AMZ2: variants seen among roughly 807,000 people sequenced by gnomAD.
AMZ2 encodes archaemetzincin-2.
AMZ2 carries 26 observed loss-of-function variants against 36.7 expected under a neutral mutation model. The ratio of observed to expected loss-of-function variants is 0.71; its 90% confidence interval spans 0.52 to 0.98. The LOEUF is 0.98. Ranked by LOEUF, AMZ2 falls within the 50% of genes least tolerant of loss-of-function variation. AMZ2 has a pLI of 0.00. For missense variants in AMZ2, 394 were observed against 430.5 expected (o/e 0.92, Z 0.75); for synonymous variants, 144 against 149.1 (o/e 0.97, Z 0.25).
At chr17:68,233,553 C>A (rs1555731817) in intron 1 of AMZ2, among the ~76,000 whole-genome samples, 2 of 151,380 alleles carry the variant, frequency 1.3e-5, no homozygotes, top group East Asian at 3.9e-4. Flanking sequence ...TCCCCTGCCT[C>A]CTGGGAGTGA....
intron 1 of AMZ2, among the ~76,000 whole-genome samples, chr17:68,209,604 GTA>G (rs1290967627): frequency 4.9e-4 from 58 of 117,680 alleles, no homozygotes; most frequent in African/African-American, 1.5e-3. Flanking sequence ...GTGTGTGTGT[GTA>G]TATGTATATA....
chr17:68,208,399 C>T (rs1320205390), intron 1 of AMZ2, among the ~76,000 whole-genome samples: 1 of 152,100 alleles, frequency 6.6e-6, no homozygotes, highest in Non-Finnish European at 1.5e-5. Flanking sequence ...GTGTGTAGCT[C>T]AGGGTTTGTG....
At chr17:68,254,348 GGTCT>G in intron 4 of AMZ2, 52 bp from the exon 5 acceptor site, 2 of 1,534,114 alleles carry the variant, frequency 1.3e-6, no homozygotes, top group East Asian at 4.5e-5. Flanking sequence ...TTCTTTCTTT[GGTCT>G]TTCTTCAGGG....
At chr17:68,253,323 C>T (rs1363775347) in intron 4 of AMZ2, among the ~76,000 whole-genome samples, 1 of 152,108 alleles carries the variant, frequency 6.6e-6, no homozygotes, top group Non-Finnish European at 1.5e-5. Context: ...TTGGACAAAT[C>T]TACTATGGGT....
intron 1 of AMZ2, among the ~76,000 whole-genome samples, chr17:68,210,162 G>T (rs1464617025): frequency 1.3e-5 from 2 of 152,152 alleles, no homozygotes; most frequent in Non-Finnish European, 2.9e-5. Flanking sequence ...GCTACTATAT[G>T]ACCCGGTAAT....
chr17:68,248,194 C>T lies in AMZ2; in HGVS notation c.-512C>T. ...GGGTCGTAGAGGCGGGGGCCGGTCG[C>T]GGTCGGTGGAGCGGGATGAGGATGT... On this transcript the variant is annotated 5_prime_UTR_variant, in exon 1 of 7. Transcript: ENST00000359904. The T allele has an allele frequency of 4.1e-6, 4 of 986,346 alleles. No individual in the cohort carries two copies. Among genetic ancestry groups the T allele is most frequent in the Non-Finnish European group, 3.6e-6 (3 of 830,698 alleles). The allele number at this position is 986,346 out of a possible 1,614,324, so 61.1% of individuals were successfully genotyped here.
chr17:68,241,141 G>A (rs2073892534), intron 1 of AMZ2, among the ~76,000 whole-genome samples: 1 of 151,260 alleles, frequency 6.6e-6, no homozygotes, highest in East Asian at 1.9e-4. Context: ...AAGTTACCCA[G>A]AAAAAAAATG....
chr17:68,256,688 C>A lies in AMZ2; in HGVS notation c.928-126C>A, dbSNP rs1438103171. On this transcript the variant is annotated intron_variant, in intron 6 of 6. Transcript: ENST00000359904. ...TAGCATTATTTCATATTCACACCAT[C>A]ATTATCAAATGCAGCGTCTTCATGG... The A allele has an allele frequency of 1.8e-5, 16 of 890,778 alleles. No homozygotes were observed. The East Asian group carries it at 4.3e-4, about 24-fold the overall frequency. The allele number at this position is 890,778 out of a possible 1,614,324, so 55.2% of individuals were successfully genotyped here.
chr17:68,248,848 T>C (rs3764854), intron 1 of AMZ2, 143 bp downstream of exon 1: 498,888 of 859,184 alleles, frequency 0.58, 147,728 homozygotes, highest in African/African-American at 0.83. Flanking sequence ...GGAATTTTAG[T>C]CAGCCTCTTC....
At chr17:68,220,379 A>G (rs139537216) in intron 1 of AMZ2, among the ~76,000 whole-genome samples, 2,940 of 151,950 alleles carry the variant, frequency 0.019, 101 homozygotes, top group African/African-American at 0.066. Context: ...TCACATGTGT[A>G]ACTATTTGTC....
chr17:68,248,210 A>G lies in AMZ2; in HGVS notation c.-496A>G, dbSNP rs2144689757. The G allele has an allele frequency of 1.0e-6, 1 of 985,938 alleles. No individual in the cohort carries two copies. The highest frequency in any genetic ancestry group is 1.2e-6 in the Non-Finnish European group (1 of 830,536). 61.1% of individuals were successfully genotyped at this position (985,938 alleles called of 1,614,324 possible). Reference sequence around the variant, plus strand: ...GGCCGGTCGCGGTCGGTGGAGCGGGATGAGGATGTAGGAGGGGCGGACGTG... The same window carrying G: ...GGCCGGTCGCGGTCGGTGGAGCGGGGTGAGGATGTAGGAGGGGCGGACGTG... On this transcript the variant is annotated 5_prime_UTR_variant, in exon 1 of 7. An upstream start codon of the reference 5' UTR is lost. Transcript: ENST00000359904.
At chr17:68,213,480 TGGAAA>T (rs2073117489) in intron 1 of AMZ2, among the ~76,000 whole-genome samples, 3 of 152,314 alleles carry the variant, frequency 2.0e-5, no homozygotes, top group African/African-American at 7.2e-5. Flanking sequence ...GAGCAGGGAA[TGGAAA>T]GGAGAGTAGA....
At chr17:68,228,886 G>A (rs1555730554) in intron 1 of AMZ2, among the ~76,000 whole-genome samples, 2 of 152,230 alleles carry the variant, frequency 1.3e-5, no homozygotes, top group Non-Finnish European at 2.9e-5. Context: ...CTGCTTCCGC[G>A]TGTGCTGGCC....
At chr17:68,246,166 A>G (rs2073999245), upstream of AMZ2, among the ~76,000 whole-genome samples, 1 of 143,386 alleles carries the variant, frequency 7.0e-6, no homozygotes, top group East Asian at 2.2e-4. Context: ...ATTGGCTAAC[A>G]TGACGAAACC....
In AMZ2 at chr17:68,235,842, T is replaced by A. The variant is rs1185583238; in HGVS notation, c.-66-12798T>A. ...TTAGCCCAAAATCTTACTTTTTTTTTTTTTCGAGATAGTTTCTCACTTGGT... is the reference window on the plus strand; with the variant it reads ...TTAGCCCAAAATCTTACTTTTTTTTATTTTCGAGATAGTTTCTCACTTGGT... On this transcript the variant is annotated intron_variant, in intron 1 of 7. Transcript: ENST00000674770. The surrounding 1 kb of genome is among the most constrained non-coding windows in gnomAD (Gnocchi z 4.2). Among the ~76,000 whole-genome samples, 1 of 152,014 alleles carries A rather than the reference T, an allele frequency of 6.6e-6. No homozygotes were observed.
rs1168233579 is a variant in AMZ2, at chr17:68,248,392, A to G, written c.-314A>G. ...GTTGTGTCTGCATGGACCAGAGCCCACAGTGCGAGTTGCTATAGGCAACCA... is the reference window on the plus strand; with the variant it reads ...GTTGTGTCTGCATGGACCAGAGCCCGCAGTGCGAGTTGCTATAGGCAACCA... On this transcript the variant is annotated 5_prime_UTR_variant, in exon 1 of 7. Coordinates refer to ENST00000359904, the MANE Select transcript of AMZ2 (RefSeq NM_016627.5). 7.1e-6 allele frequency: 7 copies of G among 985,898 alleles called. No homozygotes were observed. The highest frequency in any genetic ancestry group is 2.3e-4 in the East Asian group (2 of 8,820). 61.1% of individuals were successfully genotyped at this position (985,898 alleles called of 1,614,324 possible). A position where few individuals can be genotyped will look rare whatever the true frequency, so the allele number is the denominator to read the frequency against.
chr17:68,237,144 G>A (rs2144627745), intron 1 of AMZ2, among the ~76,000 whole-genome samples: 1 of 152,232 alleles, frequency 6.6e-6, no homozygotes, highest in Non-Finnish European at 1.5e-5. Flanking sequence ...ACACTGTGAT[G>A]AGCCATCCTT....
chr17:68,217,727 TAA>T (rs1440398914), intron 1 of AMZ2, among the ~76,000 whole-genome samples: 2 of 152,204 alleles, frequency 1.3e-5, no homozygotes, highest in Admixed American at 6.5e-5. Flanking sequence ...TTATAGAAAT[TAA>T]GTTTTCCATT....
rs545821909 is a variant in AMZ2, at chr17:68,234,880, C to T, written c.-66-13760C>T. On this transcript the variant is annotated intron_variant, in intron 1 of 7. Coordinates refer to the AMZ2 transcript ENST00000674770. ...AAATACAAAAATTAGCCGGGCATTG[C>T]GGCGGGTGCCTGTAATCCCAGCTAC... 6.9e-4 allele frequency among the ~76,000 whole-genome samples: 104 copies of T among 151,782 alleles called. No individual in the cohort carries two copies. In the Middle Eastern group the frequency reaches 0.01, roughly 15 times the overall value.
Sources: allele counts gnomAD v4.1 joint callset (sites outside exome capture counted in the v4.1 genomes callset), GRCh38; gene constraint gnomAD v4.1.1; non-coding constraint Gnocchi (gnomAD v3.1); transcripts MANE v1.5; gene names NCBI Gene and HGNC (gene_info 2026-07-23, HGNC 2026-07-21).